The following DNM3 variants were observed in gnomAD, a reference collection of about 807,000 sequenced individuals.
DNM3 encodes dynamin 3.
Under a neutral mutation model 101.6 loss-of-function variants are expected in DNM3, and 47 were observed. The observed-to-expected ratio is 0.46, with a 90% CI of 0.37 to 0.59. The LOEUF (loss-of-function observed/expected upper bound fraction) is 0.59, where lower values mean the gene tolerates loss of function less well. DNM3 is among the 20% of genes least tolerant of loss of function. The pLI is 0.00. For missense variants in DNM3, 849 were observed against 1,085.7 expected (o/e 0.78, Z 3.06); for synonymous variants, 385 against 387.9 (o/e 0.99, Z 0.09).
At chr1:172,378,260 T>A (rs1352911577) in intron 17 of DNM3, 1 of 152,088 alleles carries the variant, frequency 6.6e-6, no homozygotes, top group Non-Finnish European at 1.5e-5. Flanking sequence ...GCTCAGCCTC[T>A]GGTGGATAAG....
At chr1:172,387,550 T>A (rs1430936441) in intron 19 of DNM3, among the ~76,000 whole-genome samples, 191 bp downstream of exon 19, 1 of 151,616 alleles carries the variant, frequency 6.6e-6, no homozygotes, top group African/African-American at 2.4e-5. Context: ...TCCCAGCTAC[T>A]CGGGAGGCTG....
intron 18 of DNM3, among the ~76,000 whole-genome samples, chr1:172,385,859 T>G (rs2069150178): frequency 6.6e-6 from 1 of 152,238 alleles, no homozygotes; most frequent in African/African-American, 2.4e-5. Context: ...AAACGGCTTA[T>G]TTTTACTAGG....
intron 1 of DNM3, among the ~76,000 whole-genome samples, chr1:171,866,189 C>A (rs2034726534): frequency 1.3e-5 from 2 of 152,108 alleles, no homozygotes; most frequent in South Asian, 4.1e-4. Context: ...CAGTGTCAAC[C>A]CCCACCTTAG....
chr1:172,300,157 A>ATG (rs2064368939), intron 15 of DNM3, among the ~76,000 whole-genome samples: 1 of 151,094 alleles, frequency 6.6e-6, no homozygotes, highest in African/African-American at 2.4e-5. Context: ...GCATTTTTTC[A>ATG]TGTTTTTTTT....
intron 2 of DNM3, among the ~76,000 whole-genome samples, chr1:171,960,212 A>G (rs1000783011): frequency 2.3e-5 from 3 of 127,664 alleles, no homozygotes; most frequent in Non-Finnish European, 5.0e-5. Flanking sequence ...AAGCCAAGCC[A>G]TTGCTGACAA....
At chr1:171,989,528 G>A (rs1300691279) in intron 4 of DNM3, among the ~76,000 whole-genome samples, 5 of 152,088 alleles carry the variant, frequency 3.3e-5, no homozygotes, top group African/African-American at 1.2e-4. Context: ...TATGCTTCCA[G>A]TGAAAAACCT....
At chr1:172,396,751 T>C (rs1407350630) in intron 20 of DNM3, among the ~76,000 whole-genome samples, 1 of 152,232 alleles carries the variant, frequency 6.6e-6, no homozygotes, top group African/African-American at 2.4e-5. Flanking sequence ...GGTAACATTA[T>C]CTAAATTTAC....
chr1:171,932,521 G>T (rs1262297989), intron 2 of DNM3, among the ~76,000 whole-genome samples: 2 of 151,828 alleles, frequency 1.3e-5, no homozygotes, highest in East Asian at 3.9e-4. Context: ...CCTCACTTCA[G>T]GCATCCTATT....
chr1:172,001,127 T>G (rs1006262775), intron 4 of DNM3, among the ~76,000 whole-genome samples: 2 of 152,032 alleles, frequency 1.3e-5, no homozygotes, highest in Non-Finnish European at 1.5e-5. Context: ...ATTTTTCCAT[T>G]TTAATCATAG....
chr1:172,335,864 G>A (rs1354776187), intron 17 of DNM3, among the ~76,000 whole-genome samples: 1 of 152,010 alleles, frequency 6.6e-6, no homozygotes, highest in African/African-American at 2.4e-5. Flanking sequence ...TGGGTGACAG[G>A]ATCATTTGGA....
chr1:172,053,310 G>A (rs1484686907), intron 10 of DNM3, among the ~76,000 whole-genome samples: 1 of 151,790 alleles, frequency 6.6e-6, no homozygotes, highest in African/African-American at 2.4e-5. Flanking sequence ...TCCCTCCTGT[G>A]TTTACCTGCC....
At chr1:172,069,012 A>G in intron 11 of DNM3, 107 bp downstream of exon 11, 2 of 819,928 alleles carry the variant, frequency 2.4e-6, no homozygotes, top group African/African-American at 3.4e-5. Flanking sequence ...AAAGGAAAAA[A>G]AAATAGTGGA....
At chr1:172,116,467 G>A (rs181869814) in intron 13 of DNM3, among the ~76,000 whole-genome samples, 21 of 152,288 alleles carry the variant, frequency 1.4e-4, no homozygotes, top group Non-Finnish European at 2.8e-4. Flanking sequence ...CACATTTGGT[G>A]CGAATCCAAA....
At chr1:172,305,721 G>A (rs1194562969) in intron 15 of DNM3, among the ~76,000 whole-genome samples, 1 of 152,192 alleles carries the variant, frequency 6.6e-6, no homozygotes, top group Non-Finnish European at 1.5e-5. Flanking sequence ...TGCAAGGCTG[G>A]TTCAACATAC....
chr1:171,996,405 T>TGG (rs2045998309), intron 4 of DNM3, among the ~76,000 whole-genome samples: 3 of 152,128 alleles, frequency 2.0e-5, no homozygotes, highest in Non-Finnish European at 4.4e-5. Flanking sequence ...TGAGATCCTA[T>TGG]TTTGGGGTAA....
intron 2 of DNM3, among the ~76,000 whole-genome samples, chr1:171,922,303 A>G (rs2040241699): frequency 6.6e-6 from 1 of 152,140 alleles, no homozygotes; most frequent in South Asian, 2.1e-4. Context: ...TGATAGGTAA[A>G]TGATGCTTTG....
chr1:172,191,277 T>C (rs1044499364), intron 14 of DNM3, among the ~76,000 whole-genome samples: 45 of 152,298 alleles, frequency 3.0e-4, no homozygotes, highest in Admixed American at 1.6e-3. Context: ...ATAGGGAATC[T>C]TTCCCCATTT....
intron 10 of DNM3, among the ~76,000 whole-genome samples, chr1:172,063,358 TG>T: frequency 6.7e-6 from 1 of 149,398 alleles, no homozygotes; most frequent in Admixed American, 6.7e-5. Context: ...TGGATAGAAA[TG>T]TCTCCCAAGT....
chr1:172,032,294 G>A (rs918354584), intron 4 of DNM3, 108 bp from the exon 5 acceptor site: 1 of 821,026 alleles, frequency 1.2e-6, no homozygotes, highest in Non-Finnish European at 2.0e-6. Flanking sequence ...AGAAGGAAAT[G>A]GGAAAAGGAC....
Sources: allele counts gnomAD v4.1 joint callset (sites outside exome capture counted in the v4.1 genomes callset), GRCh38; gene constraint gnomAD v4.1.1; transcripts MANE v1.5; gene names NCBI Gene and HGNC (gene_info 2026-07-23, HGNC 2026-07-21).